The following PTPRG variants were observed in gnomAD, a reference collection of about 807,000 sequenced individuals.
PTPRG encodes the protein receptor-type tyrosine-protein phosphatase gamma.
In PTPRG, 102 loss-of-function variants were observed where a neutral mutation model predicts 165.3. That is an observed-to-expected ratio of 0.62 (90% confidence interval 0.53 to 0.73). PTPRG has a LOEUF of 0.73. PTPRG is among the 30% of genes least tolerant of loss of function. PTPRG has a pLI of 0.00. For missense variants in PTPRG, 1,866 were observed against 1,861.4 expected (o/e 1.00, Z -0.05); for synonymous variants, 675 against 669.5 (o/e 1.01, Z -0.13).
rs2040842 is a variant in PTPRG at position 61,989,109 on chromosome 3, A to G, written c.191-516A>G. On this transcript the variant is annotated intron_variant, in intron 2 of 29. Coordinates refer to ENST00000474889, the MANE Select transcript of PTPRG (RefSeq NM_002841.4). Reference sequence around the variant, plus strand: ...ACTGAAAAATCTTTCACAATTAGCCAAAGGAAAAACCTGCCTTTATTGCCT... The same window carrying G: ...ACTGAAAAATCTTTCACAATTAGCCGAAGGAAAAACCTGCCTTTATTGCCT... Among the ~76,000 whole-genome samples the G allele has an allele frequency of 1.2e-3, 187 of 152,312 alleles. 3 individuals carry two copies. The East Asian group carries it at 0.029, about 24-fold the overall frequency.
chr3:62,002,231 A>G (rs140120505), intron 3 of PTPRG, among the ~76,000 whole-genome samples: 215 of 152,266 alleles, frequency 1.4e-3, no homozygotes, highest in African/African-American at 4.9e-3. Flanking sequence ...CCTAGTCCCT[A>G]TCTTTTATGG....
intron 1 of PTPRG, among the ~76,000 whole-genome samples, chr3:61,700,178 C>A (rs2030876087): frequency 6.6e-6 from 1 of 152,182 alleles, no homozygotes; most frequent in Admixed American, 6.5e-5. Flanking sequence ...GCTGCTAAAA[C>A]TTGGCTTTTC....
intron 4 of PTPRG, among the ~76,000 whole-genome samples, chr3:62,008,524 C>A (rs750969297): frequency 2.0e-5 from 3 of 152,194 alleles, no homozygotes; most frequent in Non-Finnish European, 4.4e-5. Flanking sequence ...ACCATGTACA[C>A]GTTACCATAT....
At chr3:62,285,073 G>A (rs1176214467) in intron 28 of PTPRG, among the ~76,000 whole-genome samples, 2 of 151,922 alleles carry the variant, frequency 1.3e-5, no homozygotes, top group African/African-American at 4.8e-5. Context: ...TGCTTATCAT[G>A]TCACACCATA....
intron 4 of PTPRG, among the ~76,000 whole-genome samples, chr3:62,016,547 T>C (rs2107749381): frequency 6.6e-6 from 1 of 152,302 alleles, no homozygotes; most frequent in Middle Eastern, 3.4e-3. Context: ...TTGTTTCTTT[T>C]CCACTATTTC....
At chr3:62,124,526 G>T (rs962961931) in intron 5 of PTPRG, 1 of 1,548,202 alleles carries the variant, frequency 6.5e-7, no homozygotes, top group African/African-American at 1.4e-5. Flanking sequence ...GTCATCCACC[G>T]GGGTTTTGCT....
intron 4 of PTPRG, among the ~76,000 whole-genome samples, chr3:62,045,525 C>T (rs980467852): frequency 1.3e-5 from 2 of 152,166 alleles, no homozygotes; most frequent in Admixed American, 1.3e-4. Context: ...TTGTCCAGCT[C>T]TTAGATTTAA....
At chr3:62,090,366 G>C (rs1432639461) in intron 5 of PTPRG, among the ~76,000 whole-genome samples, 1 of 152,074 alleles carries the variant, frequency 6.6e-6, no homozygotes, top group Non-Finnish European at 1.5e-5. Context: ...CGATTATAGG[G>C]TTTAGTGCCA....
In PTPRG at chr3:62,233,272, AG is replaced by A. The variant is rs1700947407; in HGVS notation, c.2375+1965del. On this transcript the variant is annotated intron_variant, in intron 14 of 29. Coordinates refer to ENST00000474889, the MANE Select transcript of PTPRG (RefSeq NM_002841.4). The surrounding 1 kb of genome is among the most constrained non-coding windows in gnomAD (Gnocchi z 4.7). ...GGGCCAGATACAGATCCTGTCCTCA[AG>A]GGGCGCCATGTCTGTGCTTCTTACG... Among the ~76,000 whole-genome samples the A allele has an allele frequency of 6.6e-6, 1 of 152,114 alleles. No homozygotes were observed. Among genetic ancestry groups the A allele is most frequent in the Non-Finnish European group, 1.5e-5 (1 of 68,018 alleles).
rs145590750 is a variant in PTPRG at position 62,071,564 on chromosome 3, A to G, written c.520-6599A>G. On this transcript the variant is annotated intron_variant, in intron 4 of 29. Transcript: ENST00000474889. ...TACACTCAGTCAGCTTTGGCACTCA[A>G]AAATAAAGTTAACCTTGTCTCATTA... 1.4e-4 allele frequency among the ~76,000 whole-genome samples: 22 copies of G among 152,334 alleles called. No homozygotes were observed. The East Asian group carries it at 2.9e-3, about 20-fold the overall frequency.
intron 2 of PTPRG, among the ~76,000 whole-genome samples, chr3:61,963,185 C>T (rs1198528863): frequency 6.6e-6 from 1 of 152,048 alleles, no homozygotes; most frequent in Non-Finnish European, 1.5e-5. Context: ...GAGTTCTTAA[C>T]CAGCATAAGA....
At chr3:61,633,241 G>A (rs959522372) in intron 1 of PTPRG, among the ~76,000 whole-genome samples, 5 of 152,178 alleles carry the variant, frequency 3.3e-5, no homozygotes, top group Non-Finnish European at 7.3e-5. Context: ...GTTTCATGAT[G>A]GGAGTGGCAG....
intron 2 of PTPRG, among the ~76,000 whole-genome samples, chr3:61,964,146 A>G (rs897724988): frequency 1.3e-5 from 2 of 152,354 alleles, no homozygotes; most frequent in East Asian, 1.9e-4. Flanking sequence ...ATAGAGCACA[A>G]TGGTTAATGT....
In PTPRG at chr3:62,191,458, T is replaced by C; in HGVS notation, c.1034-11T>C. On this transcript the variant is annotated splice_polypyrimidine_tract_variant and intron_variant, in intron 8 of 29. Transcript: ENST00000474889. ...TGAAAGCTCCCTGAGCTGAGCCCTG[T>C]GTATCTTCAGTTTGCAGCTCTCCAC... 2 of 1,612,592 alleles carry C rather than the reference T, an allele frequency of 1.2e-6. No individual in the cohort carries two copies. The highest frequency in any genetic ancestry group is 1.1e-5 in the South Asian group (1 of 90,814).
rs781145753 is a variant in PTPRG, at chr3:62,269,076, A to G, written c.2916A>G (p.Glu972=). 2 of 1,606,312 alleles carry G rather than the reference A, an allele frequency of 1.2e-6. No homozygotes were observed. The highest frequency in any genetic ancestry group is 1.7e-6 in the Non-Finnish European group (2 of 1,174,116). The stretch of plus-strand genomic sequence containing the variant: ...ATTGGCCAACAGAGAACAGTGAGGA[A>G]TATGGAAACATTATTGTCACGCTGA... ...DQYWPTENSE[E]YGNIIVTLKS... is the part of the protein sequence containing the mutation. The change falls in exon 20 of 30, where the codon GAA becomes GAG. Residue 972 remains glutamate, a synonymous_variant. Coordinates refer to ENST00000474889, the MANE Select transcript of PTPRG (RefSeq NM_002841.4).
chr3:62,267,940 C>T (rs1231952212), intron 19 of PTPRG, 121 bp downstream of exon 19: 1 of 1,146,424 alleles, frequency 8.7e-7, no homozygotes, highest in African/African-American at 1.6e-5. Flanking sequence ...GAAAAGTGTT[C>T]TCTCTGCTTT....
chr3:61,772,157 C>G (rs1016177114), intron 2 of PTPRG, among the ~76,000 whole-genome samples: 1 of 151,468 alleles, frequency 6.6e-6, no homozygotes, highest in Admixed American at 6.6e-5. Context: ...CGGGGCCAAC[C>G]AGGGACAAAC....
intron 14 of PTPRG, among the ~76,000 whole-genome samples, chr3:62,236,785 C>G (rs9848860): frequency 0.14 from 21,797 of 152,120 alleles, 1,865 homozygotes; most frequent in Non-Finnish European, 0.19. Flanking sequence ...CTGTGGTCCT[C>G]CACCCTGCCC....
At chr3:61,733,570 C>A (rs1264391598) in intron 1 of PTPRG, among the ~76,000 whole-genome samples, 1 of 152,180 alleles carries the variant, frequency 6.6e-6, no homozygotes, top group Non-Finnish European at 1.5e-5. Context: ...TTACCTATCA[C>A]CAGCACCATT....
Sources: gnomAD v4.1 joint callset for allele counts (sites outside exome capture counted in the v4.1 genomes callset) on GRCh38, gnomAD v4.1.1 for gene constraint, Gnocchi (gnomAD v3.1) non-coding constraint, MANE v1.5 for transcripts, NCBI Gene and HGNC (gene_info 2026-07-23, HGNC 2026-07-21) for gene names.